Variants in PPP1R42 observed in about 807,000 individuals in gnomAD.
The protein encoded by PPP1R42 is protein phosphatase 1 regulatory subunit 42, also known as leucine rich repeat containing 67.
In PPP1R42, 34 loss-of-function variants were observed where a neutral mutation model predicts 31.0. The ratio of observed to expected loss-of-function variants is 1.10; its 90% confidence interval spans 0.83 to 1.46. The LOEUF (loss-of-function observed/expected upper bound fraction) is 1.46, where lower values mean the gene tolerates loss of function less well. PPP1R42 is among the 40% of genes most tolerant of loss of function. PPP1R42 has a pLI of 0.00. For missense variants in PPP1R42, 268 were observed against 303.0 expected (o/e 0.88, Z 0.86); for synonymous variants, 103 against 109.8 (o/e 0.94, Z 0.39).
At chr8:66,976,238 C>T (rs958792486) in intron 7 of PPP1R42, among the ~76,000 whole-genome samples, 4 of 152,018 alleles carry the variant, frequency 2.6e-5, no homozygotes, top group Non-Finnish European at 5.9e-5. Flanking sequence ...ATAGGATCAT[C>T]TAGTTGCAGG....
At chr8:66,984,427 C>T (rs1814940757) in intron 6 of PPP1R42, 5 of 1,309,702 alleles carry the variant, frequency 3.8e-6, no homozygotes, top group East Asian at 2.3e-5. Flanking sequence ...CTTGGGGCCC[C>T]CTTCCACTAC....
rs760786617 is a variant in PPP1R42 at position 67,013,035 on chromosome 8, C to T, written c.358G>A (p.Glu120Lys). ...AGCCTCTGATTCTCAACATGAAGCT[C>T]TCTTAGTTCTCCTAATCCTTCTAAA... is the stretch of plus-strand genomic sequence containing the variant. ...EGLEGLGELRELHVENQRLPL... is the reference protein window; with the variant it reads ...EGLEGLGELRKLHVENQRLPL... The change falls in exon 4 of 8, where the codon GAG becomes AAG. Residue 120 changes from glutamate (E) to lysine (K), a missense_variant. Coordinates refer to ENST00000685739, the MANE Select transcript of PPP1R42 (RefSeq NM_001364910.1). 3 of 1,612,250 alleles carry T rather than the reference C, an allele frequency of 1.9e-6. No homozygotes were observed. Among genetic ancestry groups the T allele is most frequent in the South Asian group, 2.2e-5 (2 of 90,484 alleles).
At chr8:66,986,655 C>T (rs1306158192) in intron 6 of PPP1R42, among the ~76,000 whole-genome samples, 2 of 152,232 alleles carry the variant, frequency 1.3e-5, no homozygotes, top group African/African-American at 2.4e-5. Context: ...AAGCCTGTTT[C>T]TGCCAAGTTA....
chr8:67,022,503 TA>T (rs1220542418), intron 1 of PPP1R42, among the ~76,000 whole-genome samples: 1 of 152,150 alleles, frequency 6.6e-6, no homozygotes, highest in Admixed American at 6.6e-5. Context: ...TGGTATCTTC[TA>T]AAAAACAGAA....
chr8:66,964,794 A>G (rs1563410225), intron 7 of PPP1R42, among the ~76,000 whole-genome samples: 1 of 152,192 alleles, frequency 6.6e-6, no homozygotes, highest in Non-Finnish European at 1.5e-5. Context: ...TAATTTACAT[A>G]GTTAAGTTCA....
intron 3 of PPP1R42, 78 bp downstream of exon 3, chr8:67,014,348 G>A: frequency 1.3e-6 from 1 of 795,780 alleles, no homozygotes; most frequent in Non-Finnish European, 1.9e-6. Context: ...GCAAAAAATG[G>A]AAATGCCTTC....
At chr8:66,970,373 T>C (rs545781772) in intron 7 of PPP1R42, among the ~76,000 whole-genome samples, 9 of 152,158 alleles carry the variant, frequency 5.9e-5, no homozygotes, top group African/African-American at 1.4e-4. Flanking sequence ...TGGACTAAAA[T>C]GATCTGCCCA....
At chr8:67,011,673 A>G (rs1300157800) in intron 4 of PPP1R42, among the ~76,000 whole-genome samples, 1 of 152,234 alleles carries the variant, frequency 6.6e-6, no homozygotes, top group East Asian at 1.9e-4. Context: ...ACTACTTAAA[A>G]TAATAATTAG....
chr8:67,015,534 G>A (rs1188146700), intron 2 of PPP1R42, among the ~76,000 whole-genome samples: 4 of 151,484 alleles, frequency 2.6e-5, no homozygotes, highest in African/African-American at 9.7e-5. Context: ...AAAAGTGATT[G>A]TGTCTGAATA....
At chr8:66,969,636 C>T (rs1814485345) in intron 7 of PPP1R42, among the ~76,000 whole-genome samples, 1 of 152,196 alleles carries the variant, frequency 6.6e-6, no homozygotes. Flanking sequence ...CAGTAATGTT[C>T]ACAGGGCTTC....
intron 6 of PPP1R42, chr8:66,984,761 C>A: frequency 6.2e-7 from 1 of 1,608,650 alleles, no homozygotes; most frequent in Non-Finnish European, 8.5e-7. Flanking sequence ...TCTTGAACAG[C>A]TTCTGTTCCT....
intron 7 of PPP1R42, chr8:66,971,064 A>G (rs925613697): frequency 1.4e-5 from 21 of 1,534,034 alleles, no homozygotes; most frequent in Non-Finnish European, 1.6e-5. Context: ...TCTGTATTTC[A>G]GAGAAAAAGG....
chr8:67,009,843 C>T (rs890128873), intron 5 of PPP1R42, among the ~76,000 whole-genome samples: 4 of 152,148 alleles, frequency 2.6e-5, no homozygotes, highest in Admixed American at 1.3e-4. Context: ...ACAAGGTCGA[C>T]GTAACATTTT....
chr8:66,981,862 G>A (rs1401594773), intron 7 of PPP1R42, among the ~76,000 whole-genome samples, 187 bp downstream of exon 7: 1 of 152,044 alleles, frequency 6.6e-6, no homozygotes, highest in Non-Finnish European at 1.5e-5. Flanking sequence ...AAACATTATA[G>A]GTGAAATTTC....
chr8:66,986,825 A>G (rs1039855668), intron 6 of PPP1R42, among the ~76,000 whole-genome samples: 4 of 152,208 alleles, frequency 2.6e-5, no homozygotes, highest in East Asian at 3.8e-4. Context: ...CACAGTCGTG[A>G]TAACTAGAAT....
intron 5 of PPP1R42, among the ~76,000 whole-genome samples, chr8:67,007,101 C>T (rs1016584673): frequency 6.6e-6 from 1 of 151,642 alleles, no homozygotes; most frequent in East Asian, 2.0e-4. Context: ...TGGTCTCAAA[C>T]CCCTGACCTC....
intron 1 of PPP1R42, among the ~76,000 whole-genome samples, chr8:67,019,676 A>G (rs1415695518): frequency 6.6e-6 from 1 of 151,792 alleles, no homozygotes; most frequent in Non-Finnish European, 1.5e-5. Flanking sequence ...GCGGATCACA[A>G]GGTCAGGAGA....
chr8:66,979,151 CCT>C (rs2130920957), intron 7 of PPP1R42, among the ~76,000 whole-genome samples: 1 of 152,224 alleles, frequency 6.6e-6, no homozygotes, highest in African/African-American at 2.4e-5. Flanking sequence ...TGAAGCATTT[CCT>C]CTGTTTTCTT....
intron 7 of PPP1R42, among the ~76,000 whole-genome samples, chr8:66,967,140 AT>A (rs888789249): frequency 1.8e-4 from 27 of 151,336 alleles, no homozygotes; most frequent in Admixed American, 1.4e-3. Flanking sequence ...CTACACCTGA[AT>A]TTTTTTTTCT....
Sources: allele counts gnomAD v4.1 joint callset (sites outside exome capture counted in the v4.1 genomes callset), GRCh38; gene constraint gnomAD v4.1.1; transcripts MANE v1.5; gene names NCBI Gene and HGNC (gene_info 2026-07-23, HGNC 2026-07-21).